Variants in FAAH2 observed in about 807,000 individuals in gnomAD.
FAAH2 encodes fatty-acid amide hydrolase 2.
Under a neutral mutation model 36.9 loss-of-function variants are expected in FAAH2, and 60 were observed. That is an observed-to-expected ratio of 1.63 (90% CI 1.32 to 2.02). FAAH2 has a LOEUF of 2.02. Ranked by LOEUF, FAAH2 falls within the 30% of genes most tolerant of loss-of-function variation. FAAH2 has a pLI of 0.00. For missense variants in FAAH2, 689 were observed against 397.5 expected, an observed-to-expected ratio of 1.73 and a Z score of -6.23; for synonymous variants, 214 against 143.8, an observed-to-expected ratio of 1.49 and a Z score of -3.49.
At chrX:57,483,816 G>A (rs1372957430) in intron 10 of FAAH2, among the ~76,000 whole-genome samples, 1 of 68,749 alleles carries the variant, frequency 1.5e-5, no homozygotes, top group East Asian at 4.3e-4. Flanking sequence ...TTTTTGAGAC[G>A]GAGTTTCGCT....
At chrX:57,438,068 T>C (rs1293341935) in intron 8 of FAAH2, among the ~76,000 whole-genome samples, 1 of 104,766 alleles carries the variant, frequency 9.5e-6, no homozygotes, top group Non-Finnish European at 1.9e-5. Flanking sequence ...TATATATGTA[T>C]ATACATACAT....
At chrX:57,191,335 T>G in the FAAH2 span, among the ~76,000 whole-genome samples, 61 of 111,900 alleles carry the variant, frequency 5.5e-4, no homozygotes, top group East Asian at 9.3e-3. Flanking sequence ...AAAATTATAT[T>G]ATTATATTCT....
the FAAH2 span, among the ~76,000 whole-genome samples, chrX:57,186,275 G>A: frequency 8.9e-6 from 1 of 112,071 alleles, no homozygotes; most frequent in African/African-American, 3.2e-5. Flanking sequence ...ACTTGCATAA[G>A]ATGGTATTTC....
chrX:57,284,115 G>A (rs2051778476), upstream of FAAH2, among the ~76,000 whole-genome samples: 1 of 112,167 alleles, frequency 8.9e-6, no homozygotes, highest in Non-Finnish European at 1.9e-5. Flanking sequence ...TCTGTCCCAG[G>A]GAAGTGTGGA....
the FAAH2 span, among the ~76,000 whole-genome samples, chrX:57,218,407 A>C: frequency 8.9e-6 from 1 of 111,955 alleles, no homozygotes; most frequent in African/African-American, 3.2e-5. Context: ...TTTTAATCTA[A>C]AGCGATGCTG....
At chrX:57,232,369 A>T in the FAAH2 span, among the ~76,000 whole-genome samples, 12 of 112,237 alleles carry the variant, frequency 1.1e-4, no homozygotes, top group Non-Finnish European at 2.3e-4. Context: ...GTTCTCTAAG[A>T]TTGTTCTCAA....
the FAAH2 span, among the ~76,000 whole-genome samples, chrX:57,125,386 C>T: frequency 2.7e-5 from 3 of 111,706 alleles, no homozygotes; most frequent in Non-Finnish European, 5.7e-5. Context: ...CTGTGGTTAA[C>T]TGTTACTCCT....
chrX:57,394,781 AC>A lies in FAAH2; in HGVS notation c.996+13754del, dbSNP rs1309041259. ...CATTTCAGGCCGACCAGTTGCAACC[AC>A]CAGGATGTCGCCTTTATTTACCTCC... On this transcript the variant is annotated intron_variant, in intron 7 of 10. Transcript: ENST00000374900. The A allele has an allele frequency of 3.1e-6, 3 of 969,469 alleles. No individual in the cohort carries two copies. The African/African-American group carries it at 5.8e-5, about 19-fold the overall frequency. The allele number at this position is 969,469 out of a possible 1,213,427, so 79.9% of individuals were successfully genotyped here.
chrX:57,177,052 C>G, the FAAH2 span, among the ~76,000 whole-genome samples: 1 of 111,050 alleles, frequency 9.0e-6, no homozygotes, highest in Admixed American at 9.7e-5. Flanking sequence ...CTTGGTTGAA[C>G]AGTTCAGGCT....
the FAAH2 span, among the ~76,000 whole-genome samples, chrX:57,124,178 G>A: frequency 1.8e-5 from 2 of 111,152 alleles, no homozygotes; most frequent in African/African-American, 3.3e-5. Flanking sequence ...ATTAATTTTT[G>A]TATAAGGTGT....
At chrX:57,175,430 C>T in the FAAH2 span, among the ~76,000 whole-genome samples, 21 of 111,547 alleles carry the variant, frequency 1.9e-4, no homozygotes, top group South Asian at 7.4e-4. Context: ...TATATTTTTC[C>T]ACCCCTTTAC....
intron 7 of FAAH2, among the ~76,000 whole-genome samples, chrX:57,428,327 T>C (rs750368552): frequency 2.1e-4 from 24 of 111,632 alleles, no homozygotes; most frequent in Admixed American, 1.5e-3. Context: ...TCTAAAGCAA[T>C]CTACAGATTC....
At chrX:57,143,563 GC>G in the FAAH2 span, among the ~76,000 whole-genome samples, 2 of 110,257 alleles carry the variant, frequency 1.8e-5, no homozygotes, top group African/African-American at 3.3e-5. Context: ...TGCAACCTCT[GC>G]CCCCCAGGCT....
chrX:57,247,590 T>A, the FAAH2 span, among the ~76,000 whole-genome samples: 5 of 112,034 alleles, frequency 4.5e-5, no homozygotes, highest in African/African-American at 1.6e-4. Flanking sequence ...ATGCTTTTTT[T>A]ATCTTGTTTG....
At chrX:57,254,866 T>G in the FAAH2 span, among the ~76,000 whole-genome samples, 4 of 110,494 alleles carry the variant, frequency 3.6e-5, no homozygotes, top group African/African-American at 1.3e-4. Flanking sequence ...TTAAAAGAAC[T>G]AGAGAAGCAA....
chrX:57,151,992 C>T, the FAAH2 span, among the ~76,000 whole-genome samples: 1 of 111,777 alleles, frequency 8.9e-6, no homozygotes, highest in African/African-American at 3.3e-5. Context: ...GACCCTGAGG[C>T]CTGTTGGAGT....
chrX:57,436,990 C>T (rs1315246399), intron 8 of FAAH2, among the ~76,000 whole-genome samples: 1 of 110,755 alleles, frequency 9.0e-6, no homozygotes, highest in Non-Finnish European at 1.9e-5. Context: ...CAGCAAAATA[C>T]TAGAAAACCA....
intron 7 of FAAH2, among the ~76,000 whole-genome samples, chrX:57,416,391 G>T (rs766726609): frequency 9.1e-6 from 1 of 110,438 alleles, no homozygotes; most frequent in African/African-American, 3.3e-5. Flanking sequence ...CATGTTTAGT[G>T]CTTTCTTCAG....
chrX:57,123,674 T>C, the FAAH2 span, among the ~76,000 whole-genome samples: 1 of 112,150 alleles, frequency 8.9e-6, no homozygotes, highest in African/African-American at 3.2e-5. Flanking sequence ...GTTGTTTCCT[T>C]ACTTTTTAAT....
Sources: gnomAD v4.1 joint callset for allele counts (sites outside exome capture counted in the v4.1 genomes callset) on GRCh38, gnomAD v4.1.1 for gene constraint, MANE v1.5 for transcripts, NCBI Gene and HGNC (gene_info 2026-07-23, HGNC 2026-07-21) for gene names.